Variants in ABHD18 observed in about 807,000 individuals in gnomAD.
ABHD18 encodes the protein abhydrolase domain containing 18.
Under a neutral mutation model 65.9 loss-of-function variants are expected in ABHD18, and 55 were observed. That is an observed-to-expected ratio of 0.84 (90% confidence interval 0.67 to 1.05). ABHD18 has a LOEUF of 1.05. Among genes scored for constraint, ABHD18 ranks in the 50% least tolerant of loss-of-function variants. The probability of loss-of-function intolerance (pLI) is 0.00; values close to 1 mark genes in which losing one functional copy is unlikely to be tolerated. For missense variants in ABHD18, 533 were observed against 558.5 expected (o/e 0.95, Z 0.46); for synonymous variants, 181 against 180.2 (o/e 1.00, Z -0.04).
intron 4 of ABHD18, among the ~76,000 whole-genome samples, chr4:127,993,052 T>A (rs557863893): frequency 6.6e-6 from 1 of 152,138 alleles, no homozygotes; most frequent in Admixed American, 6.5e-5. Context: ...CCAGCCTGGG[T>A]GACAGAGCAA....
At position 128,039,144 on chromosome 4, in the gene ABHD18, C is replaced by CGTGTGTGTATAT. The variant is rs1491380654; in HGVS notation, c.*3331_*3332insGTGTGTGTATAT. 1.3e-4 allele frequency: 13 copies of CGTGTGTGTATAT among 99,738 alleles called. No individual in the cohort carries two copies. The highest frequency in any genetic ancestry group is 4.8e-4 in the African/African-American group (13 of 26,816). 6.2% of individuals were successfully genotyped at this position (99,738 alleles called of 1,614,324 possible). A position where few individuals can be genotyped will look rare whatever the true frequency, so the allele number is the denominator to read the frequency against. On this transcript the variant is annotated 3_prime_UTR_variant, in exon 13 of 13. Transcript: ENST00000645843. ...TATGTATTATATATACACACATATGCATATATATATATATATATATATATA... is the reference window on the plus strand; with the variant it reads ...TATGTATTATATATACACACATATGCGTGTGTGTATATATATATATATATATATATATATATA...
chr4:127,979,494 G>T (rs769899714), intron 1 of ABHD18, among the ~76,000 whole-genome samples: 2 of 152,222 alleles, frequency 1.3e-5, no homozygotes, highest in Non-Finnish European at 2.9e-5. Flanking sequence ...GGCAGAGCTG[G>T]CAGTGAGCTG....
At chr4:128,019,381 T>C (rs970640285) in intron 8 of ABHD18, among the ~76,000 whole-genome samples, 4 of 152,148 alleles carry the variant, frequency 2.6e-5, no homozygotes, top group Admixed American at 2.6e-4. Context: ...CTATTGACCA[T>C]CCCAACTGAA....
At chr4:128,001,426 G>GAAT (rs1468749233) in intron 4 of ABHD18, among the ~76,000 whole-genome samples, 1 of 152,164 alleles carries the variant, frequency 6.6e-6, no homozygotes, top group Non-Finnish European at 1.5e-5. Flanking sequence ...TTTATGTGGT[G>GAAT]AATAACATTT....
intron 7 of ABHD18, among the ~76,000 whole-genome samples, chr4:128,015,950 CTTTT>C (rs938616932): frequency 7.6e-6 from 1 of 130,734 alleles, no homozygotes; most frequent in Non-Finnish European, 1.6e-5. Flanking sequence ...TATTTAAATA[CTTTT>C]TTTTTTTTTT....
chr4:128,011,384 G>A (rs936272137), intron 6 of ABHD18, among the ~76,000 whole-genome samples: 4 of 151,644 alleles, frequency 2.6e-5, no homozygotes, highest in Non-Finnish European at 2.9e-5. Flanking sequence ...TCCTGACCTC[G>A]TGATCCGCCC....
chr4:127,967,720 A>G (rs1745908913), intron 1 of ABHD18, among the ~76,000 whole-genome samples: 1 of 151,932 alleles, frequency 6.6e-6, no homozygotes, highest in Admixed American at 6.6e-5. Context: ...AAAAAAAAAA[A>G]AGAAAATGTC....
intron 3 of ABHD18, among the ~76,000 whole-genome samples, chr4:127,988,541 G>A (rs979269060): frequency 1.3e-5 from 2 of 151,942 alleles, no homozygotes; most frequent in African/African-American, 2.4e-5. Flanking sequence ...CTGATAATGG[G>A]TTTTTTAAGT....
chr4:127,984,460 G>T, intron 3 of ABHD18, 37 bp downstream of exon 3: 1 of 1,254,252 alleles, frequency 8.0e-7, no homozygotes, highest in Non-Finnish European at 1.1e-6. Flanking sequence ...TAGGAATTGT[G>T]GTTTGACATA....
intron 3 of ABHD18, among the ~76,000 whole-genome samples, chr4:127,988,634 A>G (rs1750398258): frequency 1.3e-5 from 2 of 152,186 alleles, no homozygotes; most frequent in South Asian, 4.1e-4. Flanking sequence ...CATTTTTCAA[A>G]AGAAGACATA....
intron 7 of ABHD18, among the ~76,000 whole-genome samples, chr4:128,015,099 G>A (rs555363263): frequency 6.7e-6 from 1 of 149,972 alleles, no homozygotes; most frequent in Non-Finnish European, 1.5e-5. Flanking sequence ...AAAAAAATTA[G>A]CCAGACATGA....
rs1749317200 is a variant in ABHD18 at position 127,982,975 on chromosome 4, A to C, written c.20A>C (p.Asp7Ala). The change falls in exon 2 of 13, where the codon GAT becomes GCT. Residue 7 changes from aspartate (D) to alanine (A), a missense_variant. By Grantham distance (126) the Asp-to-Ala change is moderately radical (BLOSUM62 -2). Coordinates refer to ENST00000645843, the MANE Select transcript of ABHD18 (RefSeq NM_001358451.3). MGVSKL[D>A]ILYRRLLLTK... ...CTACTGATGGGTGTGAGCAAGTTAG[A>C]TATTCTATACCGGAGACTTCTCCTA... The C allele has an allele frequency of 1.3e-6, 2 of 1,564,494 alleles. No homozygotes were observed. Among genetic ancestry groups the C allele is most frequent in the Non-Finnish European group, 1.7e-6 (2 of 1,153,182 alleles).
chr4:128,028,851 C>G lies in ABHD18; in HGVS notation c.1178C>G (p.Ser393Ter). 6.5e-7 allele frequency: 1 copy of G among 1,533,660 alleles called. No homozygotes were observed. The highest frequency in any genetic ancestry group is 8.7e-7 in the Non-Finnish European group (1 of 1,143,230). The change falls in exon 11 of 13, where the codon TCA becomes TGA. Residue 393 changes from serine (S) to a stop codon, truncating the protein, a stop_gained and splice_region_variant. Transcript: ENST00000645843. LOFTEE classifies it high-confidence loss of function. The stretch of plus-strand genomic sequence containing the variant: ...GAATGTACTCATGTAGCAAATTTCT[C>G]AGGTACTAATTTTTATATGAAATTG... ...MDECTHVANF[S>*]VPVDPSLIIV...
At position 127,984,400 on chromosome 4, in the gene ABHD18, G is replaced by T. The variant is rs560511632; in HGVS notation, c.154G>T (p.Asp52Tyr). The T allele has an allele frequency of 1.3e-6, 2 of 1,548,776 alleles. No individual in the cohort carries two copies. The highest frequency in any genetic ancestry group is 1.7e-6 in the Non-Finnish European group (2 of 1,144,242). Residue 52 changes from aspartate (D) to tyrosine (Y), a missense_variant, in exon 3 of 13, where the codon GAT becomes TAT. This residue lies in a region of ABHD18 where 309 missense variants were observed against 313.5 expected (regional missense o/e 0.99). Coordinates refer to ENST00000645843, the MANE Select transcript of ABHD18 (RefSeq NM_001358451.3). Reference sequence around the variant, plus strand: ...AAGATGCCAGAATCTGGTTTCAAGCGATTATCCAGTACACATTGATAAGGT... The same window carrying T: ...AAGATGCCAGAATCTGGTTTCAAGCTATTATCCAGTACACATTGATAAGGT... ...RERCQNLVSS[D>Y]YPVHIDKIEE...
intron 3 of ABHD18, among the ~76,000 whole-genome samples, chr4:127,989,228 A>G (rs983723856): frequency 6.6e-6 from 1 of 152,170 alleles, no homozygotes; most frequent in Admixed American, 6.5e-5. Context: ...TATTTTTACA[A>G]ATTGAACTCA....
In ABHD18 at chr4:128,011,654, C is replaced by G; in HGVS notation, c.443-19C>G. 6.5e-7 allele frequency: 1 copy of G among 1,539,312 alleles called. No individual in the cohort carries two copies. Among genetic ancestry groups the G allele is most frequent in the East Asian group, 2.4e-5 (1 of 40,992 alleles). On this transcript the variant is annotated intron_variant, in intron 6 of 12. Coordinates refer to ENST00000645843, the MANE Select transcript of ABHD18 (RefSeq NM_001358451.3). The stretch of plus-strand genomic sequence containing the variant: ...TTATTTAATTATTTTAAAACTTTCT[C>G]TTTGACCCACATTCTTAAATGGCTG...
intron 1 of ABHD18, among the ~76,000 whole-genome samples, chr4:127,979,435 G>A (rs1386541764): frequency 2.6e-5 from 4 of 152,056 alleles, no homozygotes; most frequent in Non-Finnish European, 5.9e-5. Context: ...GGCACCTGTA[G>A]TCCCAGCTAC....
At chr4:128,010,449 A>G (rs1487132470) in intron 6 of ABHD18, among the ~76,000 whole-genome samples, 2 of 152,084 alleles carry the variant, frequency 1.3e-5, no homozygotes, top group Non-Finnish European at 2.9e-5. Context: ...GAATCACTTG[A>G]ACCCAGGAGA....
intron 1 of ABHD18, among the ~76,000 whole-genome samples, chr4:127,970,812 C>G (rs186815328): frequency 2.6e-5 from 4 of 151,718 alleles, no homozygotes; most frequent in Admixed American, 2.6e-4. Flanking sequence ...TGGTGACTCA[C>G]GCCTGTAATC....
Sources: gnomAD v4.1 joint callset for allele counts (sites outside exome capture counted in the v4.1 genomes callset) on GRCh38, gnomAD v4.1.1 for gene constraint, gnomAD v4.1.1 regional missense constraint, MANE v1.5 for transcripts, NCBI Gene and HGNC (gene_info 2026-07-23, HGNC 2026-07-21) for gene names.